Variants in FGD5 observed in about 807,000 individuals in gnomAD.
FGD5 encodes the protein FYVE, RhoGEF and PH domain-containing protein 5.
In FGD5, 28 loss-of-function variants were observed where a neutral mutation model predicts 133.4. The ratio of observed to expected loss-of-function variants is 0.21; its 90% CI spans 0.16 to 0.29. The LOEUF is 0.29. FGD5 is among the 10% of genes least tolerant of loss of function. The pLI, the probability that FGD5 is intolerant of heterozygous loss-of-function variation, is 1.00. For missense variants in FGD5, 1,858 were observed against 1,895.2 expected (o/e 0.98, Z 0.36); for synonymous variants, 810 against 776.5 (o/e 1.04, Z -0.72).
rs753197839 is a variant in FGD5 at position 14,934,347 on chromosome 3, AT to A, written c.*1182del. Reference sequence around the variant, plus strand: ...AAGCAAAGGGCATGTGAGGGGTGGGATTCCTTGTTACTCTTACTGCAATAAA... The same window carrying A: ...AAGCAAAGGGCATGTGAGGGGTGGGATCCTTGTTACTCTTACTGCAATAAA... On this transcript the variant is annotated 3_prime_UTR_variant, in exon 20 of 20. Coordinates refer to ENST00000285046, the MANE Select transcript of FGD5 (RefSeq NM_152536.4). The A allele has an allele frequency of 5.9e-5, 9 of 152,072 alleles. No homozygotes were observed. The highest frequency in any genetic ancestry group is 1.3e-4 in the Non-Finnish European group (9 of 68,014). 9.4% of individuals were successfully genotyped at this position (152,072 alleles called of 1,614,324 possible). A position where few individuals can be genotyped will look rare whatever the true frequency, so the allele number is the denominator to read the frequency against.
intron 1 of FGD5, among the ~76,000 whole-genome samples, chr3:14,826,253 C>G (rs2036595922): frequency 1.3e-5 from 2 of 152,158 alleles, no homozygotes; most frequent in Admixed American, 6.5e-5. Context: ...CTCACTCGCT[C>G]TCTCTTTCTT....
intron 1 of FGD5, among the ~76,000 whole-genome samples, chr3:14,861,399 C>T (rs1202032933): frequency 6.6e-6 from 1 of 152,182 alleles, no homozygotes; most frequent in Non-Finnish European, 1.5e-5. Flanking sequence ...CATGAGCTCT[C>T]ATCTCCGCAC....
At chr3:14,841,774 A>G (rs1361165816) in intron 1 of FGD5, among the ~76,000 whole-genome samples, 1 of 152,098 alleles carries the variant, frequency 6.6e-6, no homozygotes, top group South Asian at 2.1e-4. Context: ...TGCCCCCAGA[A>G]CACACCTCTC....
Position 14,819,820 on chromosome 3 carries a change from G to C in FGD5, c.749G>C (p.Ser250Thr). The change falls in exon 1 of 20, where the codon AGT becomes ACT. Residue 250 changes from serine (S) to threonine (T), a missense_variant. Around this residue, in one of 3 missense-constraint regions of FGD5, gnomAD observed 1,824 missense variants for 1,848.9 expected, o/e 0.99. Coordinates refer to ENST00000285046, the MANE Select transcript of FGD5 (RefSeq NM_152536.4). The surrounding 1 kb of genome is among the most constrained non-coding windows in gnomAD (Gnocchi z 4.1). ...EDMGQDAEDT[S>T]EEPPEKEELA... ...ATGGGACAGGATGCTGAGGACACCA[G>C]TGAGGAGCCCCCTGAGAAGGAGGAG... 6.3e-7 allele frequency: 1 copy of C among 1,598,996 alleles called. No individual in the cohort carries two copies.
chr3:14,921,352 A>G (rs1250589205), intron 13 of FGD5: 8 of 157,810 alleles, frequency 5.1e-5, no homozygotes, highest in Non-Finnish European at 9.8e-5. Context: ...TGAGAACTTC[A>G]CCCAGCTAGC....
At chr3:14,898,872 G>A in intron 7 of FGD5, 46 bp downstream of exon 7, 1 of 1,522,314 alleles carries the variant, frequency 6.6e-7, no homozygotes, top group Non-Finnish European at 8.9e-7. Flanking sequence ...GCAGGGCAGG[G>A]AAGGCCCCTG....
Position 14,922,181 on chromosome 3 carries a change from C to A in FGD5, c.3669+164C>A. On this transcript the variant is annotated intron_variant, in intron 14 of 19. Coordinates refer to ENST00000285046, the MANE Select transcript of FGD5 (RefSeq NM_152536.4). The surrounding 1 kb of genome is among the most constrained non-coding windows in gnomAD (Gnocchi z 4.1). ...ATGCTCCCACCCTAGTCAGGGGCGG[C>A]CTCCGTGTAACCTAGGAGCCCAGCA... 1.0e-6 allele frequency: 1 copy of A among 981,908 alleles called. No homozygotes were observed. Among genetic ancestry groups the A allele is most frequent in the Non-Finnish European group, 1.5e-6 (1 of 664,082 alleles). The allele number at this position is 981,908 out of a possible 1,614,324, so 60.8% of individuals were successfully genotyped here. A position where few individuals can be genotyped will look rare whatever the true frequency, so the allele number is the denominator to read the frequency against.
chr3:14,839,501 G>T (rs1017239252), intron 1 of FGD5, among the ~76,000 whole-genome samples: 1 of 152,200 alleles, frequency 6.6e-6, no homozygotes, highest in Non-Finnish European at 1.5e-5. Context: ...AGTGTATAGA[G>T]ATCCTGCCCC....
At chr3:14,858,699 C>CA (rs1294749144) in intron 1 of FGD5, among the ~76,000 whole-genome samples, 1 of 152,162 alleles carries the variant, frequency 6.6e-6, no homozygotes, top group Non-Finnish European at 1.5e-5. Flanking sequence ...CCATACTGAG[C>CA]AGAGTACTCA....
intron 17 of FGD5, among the ~76,000 whole-genome samples, chr3:14,924,542 C>T (rs974332408): frequency 2.0e-5 from 3 of 152,136 alleles, no homozygotes; most frequent in Admixed American, 6.5e-5. Flanking sequence ...CCATGGGCTC[C>T]GCAGGAAACT....
chr3:14,912,311 C>T (rs2038464348), intron 11 of FGD5, among the ~76,000 whole-genome samples: 1 of 152,172 alleles, frequency 6.6e-6, no homozygotes, highest in African/African-American at 2.4e-5. Context: ...AGTCCAGAGT[C>T]TCCCTCCCTT....
chr3:14,868,077 C>CTACA (rs1190569914), intron 2 of FGD5, among the ~76,000 whole-genome samples: 1 of 152,070 alleles, frequency 6.6e-6, no homozygotes, highest in Non-Finnish European at 1.5e-5. Flanking sequence ...CACACAAAGG[C>CTACA]TGTAGGTGGA....
intron 1 of FGD5, among the ~76,000 whole-genome samples, chr3:14,825,711 T>TA (rs796472516): frequency 0.011 from 1,657 of 147,182 alleles, 32 homozygotes; most frequent in African/African-American, 0.038. Flanking sequence ...GATGCTCACT[T>TA]AAAAAAAAAA....
At chr3:14,810,946 G>A in intron 1 of FGD5, 1 of 972,764 alleles carries the variant, frequency 1.0e-6, no homozygotes, top group Non-Finnish European at 1.2e-6. Flanking sequence ...AGCTCCCGGG[G>A]AGCCCGGGGC....
intron 1 of FGD5, among the ~76,000 whole-genome samples, chr3:14,860,525 C>T (rs1320485772): frequency 1.3e-5 from 2 of 152,154 alleles, no homozygotes; most frequent in Non-Finnish European, 2.9e-5. Flanking sequence ...AAGAGGAGGG[C>T]CATCTGCATG....
rs61751584 is a variant in FGD5 at position 14,820,614 on chromosome 3, G to A, written c.1543G>A (p.Ala515Thr). 87,012 of 1,605,926 alleles carry A rather than the reference G, an allele frequency of 0.054. 2,762 individuals are homozygous for A. Among genetic ancestry groups the A allele is most frequent in the Admixed American group, 0.1 (5,899 of 58,890 alleles). ...CTCGTCAGCCCCTGGCATTGGAGGT[G>A]CCGCAGAGGAGGTGGGAAAGACGCT... The part of the protein sequence containing the change: ...AGSSAPGIGG[A>T]AEEVGKTLLS... Residue 515 changes from alanine to threonine, a missense_variant, in exon 1 of 20, where the codon GCC becomes ACC. Ala to Thr is a moderately conservative substitution (Grantham distance 58). Around this residue, in one of 3 missense-constraint regions of FGD5, gnomAD observed 1,824 missense variants for 1,848.9 expected, o/e 0.99. Transcript: ENST00000285046.
At chr3:14,826,052 TTCATCA>T (rs2036592040) in intron 1 of FGD5, among the ~76,000 whole-genome samples, 1 of 152,228 alleles carries the variant, frequency 6.6e-6, no homozygotes, top group Non-Finnish European at 1.5e-5. Context: ...CATTTAAATC[TTCATCA>T]TCATATGTTT....
intron 4 of FGD5, among the ~76,000 whole-genome samples, chr3:14,881,028 G>A (rs1441752592): frequency 6.6e-6 from 1 of 152,200 alleles, no homozygotes; most frequent in African/African-American, 2.4e-5. Context: ...GGTTGTTTGA[G>A]GTTTCCTTAG....
rs762361193 is a variant in FGD5, at chr3:14,924,190, T to C, written c.4068+52T>C. The C allele has an allele frequency of 8.1e-6, 13 of 1,612,918 alleles. No individual in the cohort carries two copies. The South Asian group carries it at 1.1e-4, about 14-fold the overall frequency. ...GGAAGTAGGGCATTTGGAAGGTTCA[T>C]GGTCATCCTGGGTAGACGGAGTCAG... On this transcript the variant is annotated intron_variant, in intron 17 of 19. Coordinates refer to ENST00000285046, the MANE Select transcript of FGD5 (RefSeq NM_152536.4).
Sources: gnomAD v4.1 joint callset for allele counts (sites outside exome capture counted in the v4.1 genomes callset) on GRCh38, gnomAD v4.1.1 for gene constraint, gnomAD v4.1.1 regional missense constraint, Gnocchi (gnomAD v3.1) non-coding constraint, MANE v1.5 for transcripts, NCBI Gene and HGNC (gene_info 2026-07-23, HGNC 2026-07-21) for gene names.